SLC17A5: variants seen among roughly 807,000 people sequenced by gnomAD.
SLC17A5 encodes sialin.
Under a neutral mutation model 59.4 loss-of-function variants are expected in SLC17A5, and 47 were observed. That is an observed-to-expected ratio of 0.79 (90% CI 0.63 to 1.01). The LOEUF is 1.01. Among genes scored for constraint, SLC17A5 ranks in the 50% least tolerant of loss-of-function variants. The pLI is 0.00. For synonymous variants in SLC17A5, 202 were observed against 210.7 expected, an observed-to-expected ratio of 0.96 and a Z score of 0.36; for missense variants, 522 against 595.5, an observed-to-expected ratio of 0.88 and a Z score of 1.28.
intron 3 of SLC17A5, 150 bp downstream of exon 3, chr6:73,641,541 T>G: frequency 1.6e-6 from 1 of 630,686 alleles, no homozygotes; most frequent in Non-Finnish European, 2.7e-6. Flanking sequence ...ATTCAGGTAA[T>G]TTTCTAGTTA....
At chr6:73,625,794 A>G (rs1247558376) in intron 6 of SLC17A5, among the ~76,000 whole-genome samples, 1 of 152,190 alleles carries the variant, frequency 6.6e-6, no homozygotes, top group Non-Finnish European at 1.5e-5. Context: ...ACTGAGACCA[A>G]GGTCACACCA....
At chr6:73,629,268 G>A (rs10943114) in intron 6 of SLC17A5, among the ~76,000 whole-genome samples, 9,004 of 152,056 alleles carry the variant, frequency 0.059, 428 homozygotes, top group Admixed American at 0.16. Context: ...CACACCTGTC[G>A]TCCCAACTAC....
intron 9 of SLC17A5, among the ~76,000 whole-genome samples, chr6:73,603,170 C>G (rs900447254): frequency 1.3e-5 from 2 of 151,572 alleles, no homozygotes. Context: ...GAGTCTCTGT[C>G]GCTCAGGCTG....
chr6:73,610,365 A>C, intron 9 of SLC17A5, 35 bp downstream of exon 9: 2 of 1,610,684 alleles, frequency 1.2e-6, no homozygotes, highest in Non-Finnish European at 1.7e-6. Flanking sequence ...TATAATTTAA[A>C]GTCAATCACA....
At chr6:73,624,650 C>T (rs1033088534) in intron 6 of SLC17A5, among the ~76,000 whole-genome samples, 12 of 152,036 alleles carry the variant, frequency 7.9e-5, no homozygotes, top group East Asian at 1.9e-4. Context: ...CCGAGGCAGG[C>T]GGATCATGAG....
intron 9 of SLC17A5, among the ~76,000 whole-genome samples, chr6:73,600,988 CT>C (rs1767036299): frequency 6.6e-6 from 1 of 152,044 alleles, no homozygotes; most frequent in African/African-American, 2.4e-5. Context: ...TGAGGAGCGT[CT>C]CTGCCTGGCC....
chr6:73,612,385 C>T lies in SLC17A5; in HGVS notation c.1112-1838G>A, dbSNP rs548955726. ...GCCAGCCTGGTTTTGAGCTCCTGAC[C>T]TCAAGTATCTGCCTGCCTCCGCCTC... On this transcript the variant is annotated intron_variant, in intron 8 of 10. Transcript: ENST00000355773. Among the ~76,000 whole-genome samples the T allele has an allele frequency of 1.2e-3, 185 of 152,126 alleles. 3 individuals are homozygous for T. The highest frequency in any genetic ancestry group is 4.2e-3 in the African/African-American group (176 of 41,510).
At chr6:73,637,935 T>A (rs1184032851) in intron 4 of SLC17A5, among the ~76,000 whole-genome samples, 1 of 152,098 alleles carries the variant, frequency 6.6e-6, no homozygotes, top group African/African-American at 2.4e-5. Flanking sequence ...CAAATAAAGA[T>A]GCAATAGAAA....
intron 1 of SLC17A5, among the ~76,000 whole-genome samples, chr6:73,652,121 C>T (rs572000172): frequency 1.3e-5 from 2 of 152,126 alleles, no homozygotes; most frequent in Non-Finnish European, 2.9e-5. Context: ...ATTATTTCCA[C>T]TTCACTTGCT....
intron 9 of SLC17A5, among the ~76,000 whole-genome samples, chr6:73,605,381 CCT>C: frequency 6.6e-6 from 1 of 152,166 alleles, no homozygotes; most frequent in East Asian, 1.9e-4. Flanking sequence ...TCCTCAAGTG[CCT>C]CTGTTTTAAC....
Position 73,653,957 on chromosome 6 carries a change from C to G in SLC17A5, c.-71G>C. ...GCGCCGGCCCGACAGCCCGAAGCCC[C>G]CGGGCCGAGCTGGCTGGACCGGGCG... On this transcript the variant is annotated 5_prime_UTR_variant, in exon 1 of 11. Coordinates refer to ENST00000355773, the MANE Select transcript of SLC17A5 (RefSeq NM_012434.5). 1 of 1,377,342 alleles carries G rather than the reference C, an allele frequency of 7.3e-7. No homozygotes were observed. The highest frequency in any genetic ancestry group is 1.0e-6 in the Non-Finnish European group (1 of 992,976). The allele number at this position is 1,377,342 out of a possible 1,614,324, so 85.3% of individuals were successfully genotyped here. A position where few individuals can be genotyped will look rare whatever the true frequency, so the allele number is the denominator to read the frequency against.
At chr6:73,613,427 G>A (rs961525070) in intron 8 of SLC17A5, among the ~76,000 whole-genome samples, 4 of 151,824 alleles carry the variant, frequency 2.6e-5, no homozygotes, top group East Asian at 1.9e-4. Context: ...GTGCAGTGGC[G>A]CGATTTCAGC....
chr6:73,608,268 A>G (rs556387870), intron 9 of SLC17A5, among the ~76,000 whole-genome samples: 1 of 152,240 alleles, frequency 6.6e-6, no homozygotes, highest in South Asian at 2.1e-4. Context: ...TCTCTTGGCC[A>G]TTGGGGTTGG....
At chr6:73,610,355 T>C in intron 9 of SLC17A5, 45 bp downstream of exon 9, 1 of 1,606,304 alleles carries the variant, frequency 6.2e-7, no homozygotes, top group South Asian at 1.1e-5. Context: ...TTTTTAAAAA[T>C]ATAATTTAAA....
chr6:73,634,547 G>A (rs780185481), intron 6 of SLC17A5, among the ~76,000 whole-genome samples: 30 of 152,156 alleles, frequency 2.0e-4, no homozygotes, highest in Non-Finnish European at 7.3e-5. Context: ...CTACAGGTGT[G>A]TGCCACCATG....
chr6:73,615,260 C>T (rs1767801825), intron 8 of SLC17A5, 55 bp downstream of exon 8: 1 of 1,595,046 alleles, frequency 6.3e-7, no homozygotes. Flanking sequence ...TCTCCTATAA[C>T]TGTAAACATG....
chr6:73,594,133 C>G lies in SLC17A5; in HGVS notation c.*944G>C, dbSNP rs1766692610. 6.6e-6 allele frequency: 1 copy of G among 151,952 alleles called. No individual in the cohort carries two copies. The highest frequency in any genetic ancestry group is 2.1e-4 in the South Asian group (1 of 4,818). 9.4% of individuals were successfully genotyped at this position (151,952 alleles called of 1,614,324 possible). ...TCCCAGGTTCAAGTGATTCTCCTACCTCAGCCTCCTGAGTATCTGGGATTA... is the reference window on the plus strand; with the variant it reads ...TCCCAGGTTCAAGTGATTCTCCTACGTCAGCCTCCTGAGTATCTGGGATTA... On this transcript the variant is annotated 3_prime_UTR_variant, in exon 11 of 11. Transcript: ENST00000355773.
chr6:73,653,651 C>T (rs1769976482), intron 1 of SLC17A5, 142 bp downstream of exon 1: 3 of 1,006,676 alleles, frequency 3.0e-6, no homozygotes, highest in Middle Eastern at 3.2e-4. Context: ...TCTGAACGGG[C>T]TCCCCTCTTA....
chr6:73,618,329 C>T (rs926547807), intron 7 of SLC17A5: 1 of 235,422 alleles, frequency 4.2e-6, no homozygotes, highest in African/African-American at 2.3e-5. Flanking sequence ...TTGTGACGAC[C>T]TACCGACGAG....
Sources: gnomAD v4.1 joint callset for allele counts (sites outside exome capture counted in the v4.1 genomes callset) on GRCh38, gnomAD v4.1.1 for gene constraint, MANE v1.5 for transcripts, NCBI Gene and HGNC (gene_info 2026-07-23, HGNC 2026-07-21) for gene names.